PAX3: variants seen among roughly 807,000 people sequenced by gnomAD.
The protein encoded by PAX3 is paired box 3, also known as paired box protein Pax-3.
Under a neutral mutation model 51.6 loss-of-function variants are expected in PAX3, and 14 were observed. The observed-to-expected ratio is 0.27, with a 90% CI of 0.18 to 0.42. PAX3 has a LOEUF of 0.42. Among genes scored for constraint, PAX3 ranks in the 10% least tolerant of loss-of-function variants. The pLI, the probability that PAX3 is intolerant of heterozygous loss-of-function variation, is 1.00. For synonymous variants in PAX3, 280 were observed against 253.4 expected (o/e 1.11, Z -1.00); for missense variants, 540 against 642.8 (o/e 0.84, Z 1.73).
chr2:222,259,261 C>T lies in PAX3; in HGVS notation c.587-26978G>A, dbSNP rs137999586. Among the ~76,000 whole-genome samples the T allele has an allele frequency of 1.3e-3, 191 of 152,294 alleles. 2 individuals are homozygous for T. In the South Asian group the frequency reaches 0.027, roughly 21 times the overall value. On this transcript the variant is annotated intron_variant, in intron 4 of 8. Transcript: ENST00000392070. The stretch of plus-strand genomic sequence containing the variant: ...ACACAACTTATCCAACAGAACATCA[C>T]TGTTTGAATAAGCCCATTCTCCACT...
At chr2:222,218,172 GA>G (rs1692039185) in intron 7 of PAX3, among the ~76,000 whole-genome samples, 1 of 152,094 alleles carries the variant, frequency 6.6e-6, no homozygotes, top group South Asian at 2.1e-4. Context: ...AGAAATACAG[GA>G]AAAATGCCTA....
chr2:222,204,817 T>G (rs1272744785), intron 7 of PAX3, among the ~76,000 whole-genome samples: 1 of 152,202 alleles, frequency 6.6e-6, no homozygotes, highest in African/African-American at 2.4e-5. Context: ...AGATACTTAC[T>G]TGAAATTCAG....
intron 3 of PAX3, 120 bp from the exon 4 acceptor site, chr2:222,294,421 T>C (rs1695178609): frequency 9.6e-7 from 1 of 1,039,424 alleles, no homozygotes; most frequent in Non-Finnish European, 1.5e-6. Flanking sequence ...TGCCCTGCAC[T>C]GCTCGCGGGT....
At chr2:222,289,336 AT>A (rs1694945332) in intron 4 of PAX3, among the ~76,000 whole-genome samples, 1 of 152,116 alleles carries the variant, frequency 6.6e-6, no homozygotes, top group South Asian at 2.1e-4. Context: ...CATAGGAAGA[AT>A]TTTTTGTTGT....
chr2:222,293,868 G>C (rs1358173653), intron 4 of PAX3: 35 of 1,610,742 alleles, frequency 2.2e-5, no homozygotes, highest in South Asian at 1.2e-4. Flanking sequence ...AACAGAGTGA[G>C]AGCTTCCCCT....
chr2:222,272,428 T>C lies in PAX3; in HGVS notation c.586+21739A>G, dbSNP rs76084946. Among the ~76,000 whole-genome samples, 669 of 152,320 alleles carry C rather than the reference T, an allele frequency of 4.4e-3. 6 individuals carry two copies. Among genetic ancestry groups the C allele is most frequent in the African/African-American group, 0.015 (642 of 41,584 alleles). ...GTAGGCTTCAATGGGTAACATTTGT[T>C]ATGAAGTAATAAGAATTTGCATAAT... On this transcript the variant is annotated intron_variant, in intron 4 of 8. Coordinates refer to ENST00000392070, the MANE Select transcript of PAX3 (RefSeq NM_181458.4).
intron 4 of PAX3, among the ~76,000 whole-genome samples, chr2:222,275,876 T>C (rs1473485912): frequency 6.6e-6 from 1 of 152,232 alleles, no homozygotes; most frequent in East Asian, 1.9e-4. Flanking sequence ...TTTTTAAATA[T>C]GTGAGTGTAT....
chr2:222,269,781 A>C (rs967644306), intron 4 of PAX3, among the ~76,000 whole-genome samples: 2 of 152,192 alleles, frequency 1.3e-5, no homozygotes, highest in African/African-American at 4.8e-5. Context: ...TCAGTTTGAA[A>C]TTGTGTGCCA....
intron 4 of PAX3, among the ~76,000 whole-genome samples, chr2:222,238,574 A>G (rs1692886326): frequency 6.6e-6 from 1 of 152,210 alleles, no homozygotes; most frequent in Non-Finnish European, 1.5e-5. Context: ...CCTAGATATA[A>G]TACAATGTGA....
At chr2:222,298,342 G>A in intron 1 of PAX3, 189 bp downstream of exon 1, 2 of 610,542 alleles carry the variant, frequency 3.3e-6, no homozygotes, top group Admixed American at 2.8e-5. Context: ...TTTGCAGAGA[G>A]CAGCGCGCTC....
chr2:222,277,932 C>CAAA (rs745911501), intron 4 of PAX3, among the ~76,000 whole-genome samples: 7 of 90,578 alleles, frequency 7.7e-5, no homozygotes, highest in South Asian at 7.6e-4. Context: ...GACTCCATCT[C>CAAA]AAAAAAAAAA....
intron 7 of PAX3, among the ~76,000 whole-genome samples, chr2:222,212,622 AAC>A (rs57019405): frequency 0.16 from 23,721 of 147,852 alleles, 2,020 homozygotes; most frequent in African/African-American, 0.23. Context: ...TGGAAAAACA[AAC>A]ACACACACAC....
At chr2:222,210,352 C>T (rs35887641) in intron 7 of PAX3, among the ~76,000 whole-genome samples, 45,717 of 152,092 alleles carry the variant, frequency 0.3, 8,684 homozygotes, top group Non-Finnish European at 0.43. Context: ...TTATCCTTGG[C>T]TGGTGAGAGA....
At chr2:222,273,252 G>A (rs549478677) in intron 4 of PAX3, among the ~76,000 whole-genome samples, 1 of 152,258 alleles carries the variant, frequency 6.6e-6, no homozygotes, top group South Asian at 2.1e-4. Flanking sequence ...GAATCTAGCA[G>A]TATGGAACAG....
At chr2:222,245,473 C>G (rs1301956280) in intron 4 of PAX3, among the ~76,000 whole-genome samples, 3 of 152,192 alleles carry the variant, frequency 2.0e-5, no homozygotes, top group Non-Finnish European at 4.4e-5. Flanking sequence ...GTCAGGTACC[C>G]AACACCAGAA....
At chr2:222,226,153 T>C (rs761717270) in intron 5 of PAX3, among the ~76,000 whole-genome samples, 3 of 152,196 alleles carry the variant, frequency 2.0e-5, no homozygotes, top group Admixed American at 1.3e-4. Flanking sequence ...AACATAATAG[T>C]TAATCCTTAG....
At chr2:222,247,975 G>A in intron 4 of PAX3, among the ~76,000 whole-genome samples, 1 of 152,040 alleles carries the variant, frequency 6.6e-6, no homozygotes, top group East Asian at 1.9e-4. Context: ...CCTGCCCAAA[G>A]TCTCAGCGGG....
At chr2:222,251,801 T>C (rs1413617677) in intron 4 of PAX3, among the ~76,000 whole-genome samples, 1 of 152,194 alleles carries the variant, frequency 6.6e-6, no homozygotes, top group East Asian at 1.9e-4. Context: ...TGATCACCAC[T>C]CTAACTGGTG....
chr2:222,290,377 G>A lies in PAX3; in HGVS notation c.586+3790C>T, dbSNP rs116524355. ...ATTTTTTAAGAAAGCACTCTTTTTT[G>A]TAAACGTCAAATAAGAGGGAACAGA... is the stretch of plus-strand genomic sequence containing the variant. On this transcript the variant is annotated intron_variant, in intron 4 of 8. Coordinates refer to ENST00000392070, the MANE Select transcript of PAX3 (RefSeq NM_181458.4). Among the ~76,000 whole-genome samples the A allele has an allele frequency of 9.7e-3, 1,481 of 152,110 alleles. 27 individuals carry two copies. Among genetic ancestry groups the A allele is most frequent in the African/African-American group, 0.033 (1,378 of 41,498 alleles).
Sources: gnomAD v4.1 joint callset for allele counts (sites outside exome capture counted in the v4.1 genomes callset) on GRCh38, gnomAD v4.1.1 for gene constraint, MANE v1.5 for transcripts, NCBI Gene and HGNC (gene_info 2026-07-23, HGNC 2026-07-21) for gene names.